LRRK2: variants seen among roughly 807,000 people sequenced by gnomAD.
The protein encoded by LRRK2 is leucine rich repeat kinase 2.
LRRK2 carries 203 observed loss-of-function variants against 302.6 expected under a neutral mutation model. That is an observed-to-expected ratio of 0.67 (90% CI 0.60 to 0.75). The LOEUF (loss-of-function observed/expected upper bound fraction) is 0.75, where lower values mean the gene tolerates loss of function less well. Ranked by LOEUF, LRRK2 falls within the 30% of genes least tolerant of loss-of-function variation. The pLI, the probability that LRRK2 is intolerant of heterozygous loss-of-function variation, is 0.00. For missense variants in LRRK2, 2,830 were observed against 2,951.0 expected, an observed-to-expected ratio of 0.96 and a Z score of 0.95; for synonymous variants, 1,066 against 1,031.9, an observed-to-expected ratio of 1.03 and a Z score of -0.63.
chr12:40,367,388 T>C (rs1946911239), intron 50 of LRRK2: 1 of 402,444 alleles, frequency 2.5e-6, no homozygotes, highest in Admixed American at 4.1e-5. Flanking sequence ...TGAAAAAGCT[T>C]TTATTTCTTT....
intron 6 of LRRK2, among the ~76,000 whole-genome samples, chr12:40,243,151 G>A (rs1941814912): frequency 1.3e-5 from 2 of 150,020 alleles, no homozygotes; most frequent in South Asian, 4.2e-4. Flanking sequence ...ATAAAGATGT[G>A]TCTGGAAAAA....
At chr12:40,322,549 C>T in intron 37 of LRRK2, 39 bp downstream of exon 37, 1 of 1,536,708 alleles carries the variant, frequency 6.5e-7, no homozygotes, top group Non-Finnish European at 9.0e-7. Context: ...TTTAAGTGAT[C>T]CTTCAATACT....
At chr12:40,309,365 C>A in intron 30 of LRRK2, 132 bp downstream of exon 30, 1 of 1,208,038 alleles carries the variant, frequency 8.3e-7, no homozygotes, top group Non-Finnish European at 1.1e-6. Context: ...TTAAAAGAAG[C>A]ACTAAAATTT....
chr12:40,227,246 T>C (rs1940943162), intron 2 of LRRK2, among the ~76,000 whole-genome samples: 1 of 152,208 alleles, frequency 6.6e-6, no homozygotes, highest in South Asian at 2.1e-4. Flanking sequence ...ATGTATACAA[T>C]GTGTAATGTT....
intron 10 of LRRK2, among the ~76,000 whole-genome samples, 176 bp downstream of exon 10, chr12:40,251,720 G>A (rs1021208670): frequency 6.6e-6 from 1 of 152,182 alleles, no homozygotes; most frequent in Non-Finnish European, 1.5e-5. Context: ...ATCACCTTCA[G>A]GAGTTAGAAA....
At chr12:40,353,529 A>T (rs1946433959) in intron 44 of LRRK2, among the ~76,000 whole-genome samples, 1 of 147,234 alleles carries the variant, frequency 6.8e-6, no homozygotes, top group South Asian at 2.2e-4. Context: ...GGCTCCTCAC[A>T]TCCCAGACGA....
chr12:40,294,832 TA>T lies in LRRK2; in HGVS notation c.2809-12del, dbSNP rs1944316493. 2 of 1,441,026 alleles carry T rather than the reference TA, an allele frequency of 1.4e-6. No homozygotes were observed. Among genetic ancestry groups the T allele is most frequent in the African/African-American group, 1.4e-5 (1 of 71,226 alleles). 89.3% of individuals were successfully genotyped at this position (1,441,026 alleles called of 1,614,324 possible). A position where few individuals can be genotyped will look rare whatever the true frequency, so the allele number is the denominator to read the frequency against. ...AAATGACAGCAATTTTATTATAAAT[TA>T]TTTTTTAATAGGGGCCCATTTTTGA... On this transcript the variant is annotated splice_polypyrimidine_tract_variant and intron_variant, in intron 21 of 50. Coordinates refer to ENST00000298910, the MANE Select transcript of LRRK2 (RefSeq NM_198578.4).
At chr12:40,257,942 G>T (rs1942596801) in intron 12 of LRRK2, among the ~76,000 whole-genome samples, 1 of 151,752 alleles carries the variant, frequency 6.6e-6, no homozygotes, top group African/African-American at 2.4e-5. Context: ...TGAGGTGGGG[G>T]TGAGGGGTGG....
chr12:40,253,327 T>G (rs1942363219), intron 11 of LRRK2, among the ~76,000 whole-genome samples: 1 of 152,210 alleles, frequency 6.6e-6, no homozygotes. Context: ...ATTTTATTTA[T>G]TCTCTTTTTT....
chr12:40,257,444 A>G, intron 12 of LRRK2, 67 bp downstream of exon 12: 1 of 1,542,018 alleles, frequency 6.5e-7, no homozygotes. Flanking sequence ...CAATATTTCA[A>G]GCATATTTCT....
At chr12:40,356,700 T>C (rs1321803919) in intron 46 of LRRK2, among the ~76,000 whole-genome samples, 3 of 152,214 alleles carry the variant, frequency 2.0e-5, no homozygotes, top group Admixed American at 6.5e-5. Context: ...AAGCTTATTA[T>C]CTGATGAGAG....
At chr12:40,324,185 T>C (rs1337893601) in intron 38 of LRRK2, among the ~76,000 whole-genome samples, 4 of 152,200 alleles carry the variant, frequency 2.6e-5, no homozygotes, top group African/African-American at 9.7e-5. Flanking sequence ...TGCTGTGATC[T>C]GTCTGGCTCC....
At chr12:40,241,775 C>A (rs149316856) in intron 6 of LRRK2, among the ~76,000 whole-genome samples, 1 of 152,112 alleles carries the variant, frequency 6.6e-6, no homozygotes, top group Admixed American at 6.5e-5. Context: ...TGTGAGCCTT[C>A]GGTGTAGGCA....
At position 40,368,372 on chromosome 12, in the gene LRRK2, A is replaced by G. The variant is rs201345100; in HGVS notation, c.*607A>G. ...ACTCAATTCAAAAGAAAACTCCATT[A>G]AAAGTACTAATGAAAAAACATGACA... On this transcript the variant is annotated 3_prime_UTR_variant, in exon 51 of 51. Coordinates refer to ENST00000298910, the MANE Select transcript of LRRK2 (RefSeq NM_198578.4). 1 of 151,936 alleles carries G rather than the reference A, an allele frequency of 6.6e-6. No homozygotes were observed. Among genetic ancestry groups the G allele is most frequent in the Non-Finnish European group, 1.5e-5 (1 of 67,760 alleles). 9.4% of individuals were successfully genotyped at this position (151,936 alleles called of 1,614,324 possible). A position where few individuals can be genotyped will look rare whatever the true frequency, so the allele number is the denominator to read the frequency against.
Position 40,320,207 on chromosome 12 carries a change from A to G in LRRK2, c.5015+32A>G, listed in dbSNP as rs11564205. 224,855 of 1,527,296 alleles carry G rather than the reference A, an allele frequency of 0.15. 17,909 individuals carry two copies. Among genetic ancestry groups the G allele is most frequent in the African/African-American group, 0.21 (15,686 of 73,040 alleles). The allele number at this position is 1,527,296 out of a possible 1,614,324, so 94.6% of individuals were successfully genotyped here. A position where few individuals can be genotyped will look rare whatever the true frequency, so the allele number is the denominator to read the frequency against. On this transcript the variant is annotated intron_variant, in intron 34 of 50. Transcript: ENST00000298910. ...AAAACCTTAAAAAATTAATTGCTAC[A>G]TGGAAATTCACTATCTATTCTTTTA...
chr12:40,244,532 G>C (rs1043746846), intron 7 of LRRK2, among the ~76,000 whole-genome samples: 1 of 151,932 alleles, frequency 6.6e-6, no homozygotes, highest in Non-Finnish European at 1.5e-5. Flanking sequence ...ATATAAATAA[G>C]GGTTAATATT....
intron 41 of LRRK2, 72 bp downstream of exon 41, chr12:40,340,526 A>G (rs945550891): frequency 2.0e-6 from 3 of 1,476,214 alleles, no homozygotes; most frequent in Non-Finnish European, 2.8e-6. Context: ...GTGAGTTCAG[A>G]AGAGTCAAAA....
chr12:40,302,049 C>G (rs7312696), intron 25 of LRRK2, among the ~76,000 whole-genome samples: 149,127 of 152,104 alleles, frequency 0.98, 73,113 homozygotes, highest in East Asian at 1. Context: ...ATGATGGCAC[C>G]TGCCTGTAAT....
At chr12:40,333,471 A>G (rs534581931) in intron 39 of LRRK2, among the ~76,000 whole-genome samples, 30 of 152,278 alleles carry the variant, frequency 2.0e-4, no homozygotes, top group African/African-American at 7.0e-4. Context: ...GTTTCAGAGT[A>G]AAGTGCAATA....
Sources: gnomAD v4.1 joint callset for allele counts (sites outside exome capture counted in the v4.1 genomes callset) on GRCh38, gnomAD v4.1.1 for gene constraint, MANE v1.5 for transcripts, NCBI Gene and HGNC (gene_info 2026-07-23, HGNC 2026-07-21) for gene names.